The following GPATCH11 variants were observed in gnomAD, a reference collection of about 807,000 sequenced individuals.
GPATCH11 encodes the protein G patch domain-containing protein 11.
A neutral mutation model predicts 44.8 loss-of-function variants in GPATCH11; 32 were observed. The observed-to-expected ratio is 0.71, with a 90% CI of 0.54 to 0.96. The LOEUF is 0.96. Among genes scored for constraint, GPATCH11 ranks in the 40% least tolerant of loss-of-function variants. The pLI is 0.00. For missense variants in GPATCH11, 324 were observed against 303.1 expected (o/e 1.07, Z -0.51); for synonymous variants, 84 against 94.4 (o/e 0.89, Z 0.64).
chr2:37,088,372 C>T lies in GPATCH11; in HGVS notation c.-10C>T. On this transcript the variant is annotated 5_prime_UTR_variant, in exon 2 of 9. Transcript: ENST00000674370. ...GTAATTATTACTTTATTTGTAGATA[C>T]TATAGCCATATGAAGTTGAACATGG... 1 of 1,480,360 alleles carries T rather than the reference C, an allele frequency of 6.8e-7. No individual in the cohort carries two copies. Among genetic ancestry groups the T allele is most frequent in the South Asian group, 1.2e-5 (1 of 81,024 alleles). 91.7% of individuals were successfully genotyped at this position (1,480,360 alleles called of 1,614,324 possible).
chr2:37,090,865 T>C lies in GPATCH11; in HGVS notation c.328+143T>C. On this transcript the variant is annotated intron_variant, in intron 4 of 8. Coordinates refer to ENST00000674370, the MANE Select transcript of GPATCH11 (RefSeq NM_174931.4). ...AATTTTGTTAAATTTCTAAACCTCT[T>C]CAACCAGAAAAGAAATAAGTTTTAG... 1.1e-5 allele frequency: 6 copies of C among 548,582 alleles called. No homozygotes were observed. The South Asian group carries it at 1.6e-4, about 14-fold the overall frequency. 34.0% of individuals were successfully genotyped at this position (548,582 alleles called of 1,614,324 possible).
chr2:37,087,936 TAAAC>T (rs1431129584), intron 1 of GPATCH11, among the ~76,000 whole-genome samples: 1 of 151,598 alleles, frequency 6.6e-6, no homozygotes, highest in African/African-American at 2.4e-5. Context: ...AACAAGCAAA[TAAAC>T]AAAAAACCTC....
At position 37,097,975 on chromosome 2, in the gene GPATCH11, A is replaced by G. The variant is rs191971768; in HGVS notation, c.*1712A>G. On this transcript the variant is annotated 3_prime_UTR_variant, in exon 9 of 9. Transcript: ENST00000674370. Reference sequence around the variant, plus strand: ...GAATGTAAATATGTGTATATATATAATATTTATATGTTTGGATGCTATTGT... The same window carrying G: ...GAATGTAAATATGTGTATATATATAGTATTTATATGTTTGGATGCTATTGT... The G allele has an allele frequency of 2.0e-5, 3 of 152,254 alleles. No homozygotes were observed. Among genetic ancestry groups the G allele is most frequent in the East Asian group, 3.9e-4 (2 of 5,184 alleles). The allele number at this position is 152,254 out of a possible 1,614,324, so 9.4% of individuals were successfully genotyped here.
In GPATCH11 at chr2:37,094,405, A is replaced by T; in HGVS notation, c.654+210A>T. On this transcript the variant is annotated intron_variant, in intron 7 of 8. Coordinates refer to ENST00000674370, the MANE Select transcript of GPATCH11 (RefSeq NM_174931.4). ...ACATTGCTAAATGTCCCCGAGGGGA[A>T]AAATAACCCCTGGTTGAGAGGTACT... 6.9e-6 allele frequency: 3 copies of T among 437,416 alleles called. No individual in the cohort carries two copies. The South Asian group carries it at 9.2e-5, about 13-fold the overall frequency. The allele number at this position is 437,416 out of a possible 1,614,324, so 27.1% of individuals were successfully genotyped here. A position where few individuals can be genotyped will look rare whatever the true frequency, so the allele number is the denominator to read the frequency against.
intron 2 of GPATCH11, 112 bp downstream of exon 2, chr2:37,088,552 G>A (rs1179566994): frequency 1.2e-5 from 7 of 591,604 alleles, no homozygotes; most frequent in Non-Finnish European, 2.1e-5. Flanking sequence ...GTCTCATTCT[G>A]TTAGCAAGGC....
chr2:37,091,795 C>T, intron 4 of GPATCH11, 121 bp from the exon 5 acceptor site: 2 of 842,392 alleles, frequency 2.4e-6, no homozygotes, highest in Non-Finnish European at 3.6e-6. Context: ...TTAGTGTACT[C>T]AAATGATTTG....
At position 37,097,294 on chromosome 2, in the gene GPATCH11, A is replaced by G. The variant is rs1673636492; in HGVS notation, c.*1031A>G. 6.6e-6 allele frequency: 1 copy of G among 152,138 alleles called. No individual in the cohort carries two copies. Among genetic ancestry groups the G allele is most frequent in the African/African-American group, 2.4e-5 (1 of 41,424 alleles). The allele number at this position is 152,138 out of a possible 1,614,324, so 9.4% of individuals were successfully genotyped here. On this transcript the variant is annotated 3_prime_UTR_variant, in exon 9 of 9. Coordinates refer to ENST00000674370, the MANE Select transcript of GPATCH11 (RefSeq NM_174931.4). ...AATTGTTTTCATTGTTTTCTCTTAAACTGAAATCTGCTTCCCTGTAATATT... is the reference window on the plus strand; with the variant it reads ...AATTGTTTTCATTGTTTTCTCTTAAGCTGAAATCTGCTTCCCTGTAATATT...
chr2:37,091,876 A>T, intron 4 of GPATCH11, 40 bp from the exon 5 acceptor site: 3 of 1,582,230 alleles, frequency 1.9e-6, no homozygotes, highest in East Asian at 2.2e-5. Flanking sequence ...TTGAAGCACA[A>T]AGTCAGGATG....
At chr2:37,085,867 AT>A (rs1263210856) in intron 1 of GPATCH11, among the ~76,000 whole-genome samples, 1 of 152,236 alleles carries the variant, frequency 6.6e-6, no homozygotes, top group African/African-American at 2.4e-5. Context: ...AGGCTGAGTC[AT>A]TTGAAGGCCT....
At chr2:37,089,600 C>G (rs757233195) in intron 2 of GPATCH11, 40 bp from the exon 3 acceptor site, 2 of 1,216,114 alleles carry the variant, frequency 1.6e-6, no homozygotes, top group Non-Finnish European at 2.3e-6. Context: ...GAAAAGAAAA[C>G]TTTATGGACT....
At chr2:37,085,630 CAA>C (rs1249189559) in intron 1 of GPATCH11, among the ~76,000 whole-genome samples, 1 of 152,114 alleles carries the variant, frequency 6.6e-6, no homozygotes, top group Non-Finnish European at 1.5e-5. Context: ...TTCTTAGAAC[CAA>C]AAGAGAGTTG....
intron 7 of GPATCH11, 191 bp downstream of exon 7, chr2:37,094,386 C>T: frequency 2.1e-6 from 1 of 474,150 alleles, no homozygotes; most frequent in Non-Finnish European, 3.9e-6. Context: ...CCAGACATTG[C>T]TAAATGTCCC....
At position 37,096,508 on chromosome 2, in the gene GPATCH11, G is replaced by T. The variant is rs1673593010; in HGVS notation, c.*245G>T. 2.3e-6 allele frequency: 1 copy of T among 438,734 alleles called. No individual in the cohort carries two copies. The highest frequency in any genetic ancestry group is 4.1e-6 in the Non-Finnish European group (1 of 245,830). 27.2% of individuals were successfully genotyped at this position (438,734 alleles called of 1,614,324 possible). ...AATTTATTGCTATATTGTGATACGTGAGGGGTTTAAGGACACCAACAGGTA... is the reference window on the plus strand; with the variant it reads ...AATTTATTGCTATATTGTGATACGTTAGGGGTTTAAGGACACCAACAGGTA... On this transcript the variant is annotated 3_prime_UTR_variant, in exon 9 of 9. Coordinates refer to ENST00000674370, the MANE Select transcript of GPATCH11 (RefSeq NM_174931.4).
Position 37,096,156 on chromosome 2 carries a change from A to G in GPATCH11, c.737-52A>G, listed in dbSNP as rs1356590388. The G allele has an allele frequency of 4.8e-6, 5 of 1,046,010 alleles. No homozygotes were observed. In the East Asian group the frequency reaches 1.0e-4, roughly 21 times the overall value. The allele number at this position is 1,046,010 out of a possible 1,614,324, so 64.8% of individuals were successfully genotyped here. A position where few individuals can be genotyped will look rare whatever the true frequency, so the allele number is the denominator to read the frequency against. On this transcript the variant is annotated intron_variant, in intron 8 of 8. Transcript: ENST00000674370. ...GCATGTTATGTTGAAATAATTTTCT[A>G]GTTTACTGTAGAAGTTGTATTAATC...
At chr2:37,091,766 A>C (rs901851783) in intron 4 of GPATCH11, 150 bp from the exon 5 acceptor site, 14 of 548,924 alleles carry the variant, frequency 2.6e-5, no homozygotes, top group African/African-American at 2.3e-4. Flanking sequence ...CTTAAAAAAA[A>C]CCCTAGTGTT....
At chr2:37,095,326 C>T in intron 7 of GPATCH11, 111 bp from the exon 8 acceptor site, 2 of 1,278,038 alleles carry the variant, frequency 1.6e-6, no homozygotes, top group Non-Finnish European at 2.1e-6. Flanking sequence ...ATAACTATTC[C>T]AGAGTATAGC....
At position 37,097,631 on chromosome 2, in the gene GPATCH11, A is replaced by G. The variant is rs1431461857; in HGVS notation, c.*1368A>G. 1.3e-5 allele frequency: 2 copies of G among 152,240 alleles called. No individual in the cohort carries two copies. Among genetic ancestry groups the G allele is most frequent in the Non-Finnish European group, 2.9e-5 (2 of 68,038 alleles). 9.4% of individuals were successfully genotyped at this position (152,240 alleles called of 1,614,324 possible). A position where few individuals can be genotyped will look rare whatever the true frequency, so the allele number is the denominator to read the frequency against. ...TCACCTGTTAGTTAGATTGAGCAAGAGAACAACCCCTTTTATTAGAAACAG... is the reference window on the plus strand; with the variant it reads ...TCACCTGTTAGTTAGATTGAGCAAGGGAACAACCCCTTTTATTAGAAACAG... On this transcript the variant is annotated 3_prime_UTR_variant, in exon 9 of 9. Coordinates refer to ENST00000674370, the MANE Select transcript of GPATCH11 (RefSeq NM_174931.4).
chr2:37,097,228 A>G lies in GPATCH11; in HGVS notation c.*965A>G, dbSNP rs1673633701. ...TGCTTTTATTCTTCCAGCCACAGAG[A>G]ACTCACTGCTTTAAAACCATTCCAT... is the stretch of plus-strand genomic sequence containing the variant. On this transcript the variant is annotated 3_prime_UTR_variant, in exon 9 of 9. Coordinates refer to ENST00000674370, the MANE Select transcript of GPATCH11 (RefSeq NM_174931.4). 2.0e-5 allele frequency: 3 copies of G among 152,200 alleles called. No homozygotes were observed. The highest frequency in any genetic ancestry group is 7.2e-5 in the African/African-American group (3 of 41,446). 9.4% of individuals were successfully genotyped at this position (152,200 alleles called of 1,614,324 possible).
intron 5 of GPATCH11, 49 bp from the exon 6 acceptor site, chr2:37,092,116 G>A (rs763781128): frequency 1.3e-6 from 2 of 1,561,334 alleles, no homozygotes; most frequent in African/African-American, 2.7e-5. Flanking sequence ...CATATAAAAT[G>A]GTTAAAGATA....
Sources: allele counts gnomAD v4.1 joint callset (sites outside exome capture counted in the v4.1 genomes callset), GRCh38; gene constraint gnomAD v4.1.1; transcripts MANE v1.5; gene names NCBI Gene and HGNC (gene_info 2026-07-23, HGNC 2026-07-21).